Variants in PDE9A observed in about 807,000 individuals in gnomAD.
PDE9A encodes the protein phosphodiesterase 9A.
In PDE9A, 60 loss-of-function variants were observed where a neutral mutation model predicts 87.4. That is an observed-to-expected ratio of 0.69 (90% CI 0.56 to 0.85). PDE9A has a LOEUF of 0.85. PDE9A is among the 40% of genes least tolerant of loss of function. The probability of loss-of-function intolerance (pLI) is 0.00; values close to 1 mark genes in which losing one functional copy is unlikely to be tolerated. For synonymous variants in PDE9A, 272 were observed against 279.4 expected, an observed-to-expected ratio of 0.97 and a Z score of 0.27; for missense variants, 665 against 779.0, an observed-to-expected ratio of 0.85 and a Z score of 1.74.
intron 4 of PDE9A, among the ~76,000 whole-genome samples, chr21:42,703,375 G>A (rs961623995): frequency 7.2e-5 from 11 of 152,216 alleles, no homozygotes; most frequent in East Asian, 5.8e-4. Flanking sequence ...GACGGAGACC[G>A]AACCCATCCG....
At chr21:42,754,621 C>T (rs746880379) in intron 10 of PDE9A, among the ~76,000 whole-genome samples, 4 of 152,160 alleles carry the variant, frequency 2.6e-5, no homozygotes, top group Non-Finnish European at 5.9e-5. Flanking sequence ...GGCTGTGTCC[C>T]CACCCAAATC....
intron 14 of PDE9A, among the ~76,000 whole-genome samples, chr21:42,764,048 T>G (rs2056103851): frequency 6.6e-6 from 1 of 152,174 alleles, no homozygotes; most frequent in Non-Finnish European, 1.5e-5. Context: ...GATGCTGTGG[T>G]CAAGGCCTCT....
At chr21:42,670,090 C>A (rs112476106) in intron 1 of PDE9A, among the ~76,000 whole-genome samples, 1,776 of 152,146 alleles carry the variant, frequency 0.012, 39 homozygotes, top group African/African-American at 0.04. Context: ...TACACACATT[C>A]TCATACACTC....
rs996594995 is a variant in PDE9A, at chr21:42,692,310, A to G, written c.218+4316A>G. Among the ~76,000 whole-genome samples the G allele has an allele frequency of 7.9e-5, 12 of 152,132 alleles. No homozygotes were observed. The highest frequency in any genetic ancestry group is 2.9e-4 in the African/African-American group (12 of 41,428). On this transcript the variant is annotated intron_variant, in intron 3 of 19. Coordinates refer to ENST00000291539, the MANE Select transcript of PDE9A (RefSeq NM_002606.3). The surrounding 1 kb of genome is among the most constrained non-coding windows in gnomAD (Gnocchi z 4.3). ...ACATTTCTGGATGTCACCAGGGGTAAGGGCCTGCTACTTGTATCTGATGGG... is the reference window on the plus strand; with the variant it reads ...ACATTTCTGGATGTCACCAGGGGTAGGGGCCTGCTACTTGTATCTGATGGG...
intron 4 of PDE9A, among the ~76,000 whole-genome samples, chr21:42,720,985 A>G (rs1056072886): frequency 1.3e-5 from 2 of 152,090 alleles, no homozygotes; most frequent in African/African-American, 4.8e-5. Context: ...AGCCTGGGTA[A>G]CAAGAGCGAA....
In PDE9A at chr21:42,752,648, G is replaced by T. The variant is rs766587670; in HGVS notation, c.736-1342G>T. Among the ~76,000 whole-genome samples, 57 of 152,204 alleles carry T rather than the reference G, an allele frequency of 3.7e-4. 1 individual carries two copies. Among genetic ancestry groups the T allele is most frequent in the Non-Finnish European group, 1.0e-4 (7 of 68,040 alleles). ...GCTTCTCAGGATCCTGTCCCAGGGA[G>T]CCGTGAAGCACAGCCTAGATCCAAA... On this transcript the variant is annotated intron_variant, in intron 9 of 19. Transcript: ENST00000291539.
chr21:42,717,901 GTTT>G (rs2050107984), intron 4 of PDE9A, among the ~76,000 whole-genome samples: 1 of 20,734 alleles, frequency 4.8e-5, no homozygotes, highest in South Asian at 2.2e-3. Flanking sequence ...TTTCTTTGGG[GTTT>G]GTTTGTTTGT....
chr21:42,767,980 C>G (rs1040450204), intron 15 of PDE9A, among the ~76,000 whole-genome samples: 2 of 152,304 alleles, frequency 1.3e-5, no homozygotes, highest in Middle Eastern at 3.4e-3. Context: ...GCCAGAAAGG[C>G]TGGAAGGAGG....
intron 1 of PDE9A, among the ~76,000 whole-genome samples, chr21:42,657,482 T>G (rs1162782928): frequency 6.6e-6 from 1 of 152,180 alleles, no homozygotes; most frequent in African/African-American, 2.4e-5. Context: ...GAGGATTCGT[T>G]TTTTCCTTTC....
intron 15 of PDE9A, 104 bp from the exon 16 acceptor site, chr21:42,768,084 T>G: frequency 1.4e-6 from 1 of 732,102 alleles, no homozygotes; most frequent in South Asian, 1.5e-5. Context: ...GTCCAGCAGG[T>G]CCTCCGTCTC....
At chr21:42,750,626 C>T (rs976402536) in intron 8 of PDE9A, among the ~76,000 whole-genome samples, 4 of 151,260 alleles carry the variant, frequency 2.6e-5, no homozygotes, top group Non-Finnish European at 5.9e-5. Context: ...GCCAGGCTGG[C>T]GTGCAGTGGC....
chr21:42,727,438 C>T (rs899711522), intron 4 of PDE9A, among the ~76,000 whole-genome samples: 1 of 151,732 alleles, frequency 6.6e-6, no homozygotes, highest in Non-Finnish European at 1.5e-5. Flanking sequence ...ATCCTCCCAC[C>T]TCAGCCTCCT....
At chr21:42,688,513 G>A (rs2059602892) in intron 3 of PDE9A, among the ~76,000 whole-genome samples, 1 of 152,230 alleles carries the variant, frequency 6.6e-6, no homozygotes, top group African/African-American at 2.4e-5. Flanking sequence ...TGTGAACTAG[G>A]TCAAGCCAGC....
intron 4 of PDE9A, among the ~76,000 whole-genome samples, chr21:42,708,595 C>T (rs2146429560): frequency 6.6e-6 from 1 of 152,310 alleles, no homozygotes; most frequent in East Asian, 1.9e-4. Context: ...GCTCTTGTTG[C>T]CGAGGCTGGA....
intron 1 of PDE9A, among the ~76,000 whole-genome samples, chr21:42,657,743 A>G (rs2057191277): frequency 6.6e-6 from 1 of 152,180 alleles, no homozygotes; most frequent in Admixed American, 6.5e-5. Context: ...GAGGAGCCAC[A>G]TCTGGGCAAG....
chr21:42,747,777 G>A (rs1027744113), intron 8 of PDE9A, among the ~76,000 whole-genome samples: 1 of 152,252 alleles, frequency 6.6e-6, no homozygotes, highest in Non-Finnish European at 1.5e-5. Flanking sequence ...GAGCTGGGGA[G>A]TCTGCAGGAG....
At chr21:42,731,637 T>G in intron 4 of PDE9A, 133 bp from the exon 5 acceptor site, 29 of 930,564 alleles carry the variant, frequency 3.1e-5, no homozygotes, top group Non-Finnish European at 3.9e-5. Flanking sequence ...AGACCCGCCG[T>G]GAGAACACCG....
intron 8 of PDE9A, among the ~76,000 whole-genome samples, chr21:42,748,781 G>A (rs1380532023): frequency 6.6e-6 from 1 of 152,122 alleles, no homozygotes; most frequent in Non-Finnish European, 1.5e-5. Flanking sequence ...ATTTTAACCA[G>A]CGTACAGCTC....
In PDE9A at chr21:42,678,685, G is replaced by A. The variant is rs576901687; in HGVS notation, c.70-7507G>A. Among the ~76,000 whole-genome samples the A allele has an allele frequency of 3.4e-4, 52 of 152,382 alleles. 1 individual carries two copies. The highest frequency in any genetic ancestry group is 6.2e-4 in the South Asian group (3 of 4,832). On this transcript the variant is annotated intron_variant, in intron 1 of 19. Coordinates refer to ENST00000291539, the MANE Select transcript of PDE9A (RefSeq NM_002606.3). ...CGTATGTGGAAGGGGCCATATATCCGTCAATGCATGCTCCAAAAATCAGAA... is the reference window on the plus strand; with the variant it reads ...CGTATGTGGAAGGGGCCATATATCCATCAATGCATGCTCCAAAAATCAGAA...
Sources: gnomAD v4.1 joint callset for allele counts (sites outside exome capture counted in the v4.1 genomes callset) on GRCh38, gnomAD v4.1.1 for gene constraint, Gnocchi (gnomAD v3.1) non-coding constraint, MANE v1.5 for transcripts, NCBI Gene and HGNC (gene_info 2026-07-23, HGNC 2026-07-21) for gene names.